Variants in TNKS2 observed in about 807,000 individuals in gnomAD.
The protein encoded by TNKS2 is poly [ADP-ribose] polymerase tankyrase-2.
Under a neutral mutation model 137.6 loss-of-function variants are expected in TNKS2, and 72 were observed. The observed-to-expected ratio is 0.52, with a 90% CI of 0.43 to 0.64. The LOEUF (loss-of-function observed/expected upper bound fraction) is 0.64. Ranked by LOEUF, TNKS2 falls within the 30% of genes least tolerant of loss-of-function variation. The pLI is 0.00. For missense variants in TNKS2, 1,049 were observed against 1,410.2 expected, an observed-to-expected ratio of 0.74 and a Z score of 4.10; for synonymous variants, 516 against 512.1, an observed-to-expected ratio of 1.01 and a Z score of -0.10.
chr10:91,846,634 A>G (rs1842383095), intron 18 of TNKS2, among the ~76,000 whole-genome samples: 1 of 151,664 alleles, frequency 6.6e-6, no homozygotes, highest in African/African-American at 2.4e-5. Flanking sequence ...ATGAGAAGGA[A>G]GGGGAATCTT....
At chr10:91,835,592 C>CTTTTTTTTTTTTTTTTTTTATTTTTTTTT (rs1841984131) in intron 12 of TNKS2, among the ~76,000 whole-genome samples, 1 of 109,428 alleles carries the variant, frequency 9.1e-6, no homozygotes, top group Non-Finnish European at 1.8e-5. Context: ...CCCGGCCTTT[C>CTTTTTTTTTTTTTTTTTTTATTTTTTTTT]TTTTTTTTTT....
chr10:91,864,641 T>C lies in TNKS2; in HGVS notation c.*1642T>C, dbSNP rs1203575510. 6.6e-6 allele frequency: 1 copy of C among 152,658 alleles called. No homozygotes were observed. Among genetic ancestry groups the C allele is most frequent in the East Asian group, 1.9e-4 (1 of 5,196 alleles). The allele number at this position is 152,658 out of a possible 1,614,324, so 9.5% of individuals were successfully genotyped here. On this transcript the variant is annotated 3_prime_UTR_variant, in exon 27 of 27. Coordinates refer to ENST00000371627, the MANE Select transcript of TNKS2 (RefSeq NM_025235.4). ...TCTGGAGTTGTTTCTGTGATGTAAA[T>C]TATGATCATTATTTAAGAAGTCAAA...
chr10:91,839,745 C>T (rs1341420498), intron 13 of TNKS2, among the ~76,000 whole-genome samples: 1 of 152,190 alleles, frequency 6.6e-6, no homozygotes, highest in Non-Finnish European at 1.5e-5. Flanking sequence ...ACCCAATGCA[C>T]ATTAAAGTTT....
intron 20 of TNKS2, among the ~76,000 whole-genome samples, chr10:91,850,120 C>G (rs1842496845): frequency 2.6e-5 from 4 of 152,116 alleles, no homozygotes; most frequent in Admixed American, 2.6e-4. Flanking sequence ...AATCCCAGCA[C>G]TTTGGGAGGC....
chr10:91,841,218 A>T, intron 14 of TNKS2, 65 bp from the exon 15 acceptor site: 1 of 1,295,322 alleles, frequency 7.7e-7, no homozygotes, highest in Non-Finnish European at 1.0e-6. Flanking sequence ...TTCATCAGTT[A>T]TATGTAATTA....
intron 6 of TNKS2, among the ~76,000 whole-genome samples, chr10:91,821,597 A>C (rs1207219331): frequency 2.6e-5 from 4 of 152,192 alleles, no homozygotes; most frequent in Admixed American, 6.5e-5. Context: ...GATAGAAGTC[A>C]AGATTTTAAA....
At chr10:91,826,335 C>T (rs1246294427) in intron 7 of TNKS2, among the ~76,000 whole-genome samples, 3 of 152,068 alleles carry the variant, frequency 2.0e-5, no homozygotes, top group Non-Finnish European at 4.4e-5. Flanking sequence ...ATGAGAGATA[C>T]TCAACCAGCC....
intron 14 of TNKS2, 77 bp from the exon 15 acceptor site, chr10:91,841,206 C>G (rs1842202057): frequency 8.1e-7 from 1 of 1,234,284 alleles, no homozygotes; most frequent in Non-Finnish European, 1.1e-6. Flanking sequence ...CAAGAATTAT[C>G]TTTCATCAGT....
chr10:91,864,841 T>C lies in TNKS2; in HGVS notation c.*1842T>C. ...AGAATTAATGGGGTTTATATTTACA[T>C]TATCTCTCAACTATGTAGCCCATAT... On this transcript the variant is annotated 3_prime_UTR_variant, in exon 27 of 27. Coordinates refer to ENST00000371627, the MANE Select transcript of TNKS2 (RefSeq NM_025235.4). The C allele has an allele frequency of 6.6e-6, 1 of 152,644 alleles. No individual in the cohort carries two copies. Among genetic ancestry groups the C allele is most frequent in the East Asian group, 1.9e-4 (1 of 5,194 alleles). 9.5% of individuals were successfully genotyped at this position (152,644 alleles called of 1,614,324 possible).
Position 91,855,446 on chromosome 10 carries a change from C to T in TNKS2, c.2914-168C>T, listed in dbSNP as rs193252867. Among the ~76,000 whole-genome samples, 982 of 152,232 alleles carry T rather than the reference C, an allele frequency of 6.5e-3. 15 individuals are homozygous for T. Among genetic ancestry groups the T allele is most frequent in the African/African-American group, 0.022 (934 of 41,534 alleles). The stretch of plus-strand genomic sequence containing the variant: ...CAGGCAGTCCACCTGCCTCGGCCTC[C>T]CAAAGTGGGGCACCATGCCCAGCCC... On this transcript the variant is annotated intron_variant, in intron 22 of 26. Transcript: ENST00000371627.
chr10:91,815,972 G>A (rs959523624), intron 2 of TNKS2, among the ~76,000 whole-genome samples: 15 of 124,312 alleles, frequency 1.2e-4, no homozygotes, highest in South Asian at 5.4e-4. Flanking sequence ...TTTTTGAGAC[G>A]GAGTCTTGCA....
At position 91,844,953 on chromosome 10, in the gene TNKS2, G is replaced by A. The variant is rs753546336; in HGVS notation, c.2094G>A (p.Leu698=). ...GYNNLEVAEY[L]LQHGADVNAQ... is the part of the protein sequence containing the mutation. Reference sequence around the variant, plus strand: ...ATAATTTAGAAGTTGCAGAGTATTTGTTACAACACGGAGCTGATGTGAATG... The same window carrying A: ...ATAATTTAGAAGTTGCAGAGTATTTATTACAACACGGAGCTGATGTGAATG... The change falls in exon 17 of 27, where the codon TTG becomes TTA. Residue 698 remains leucine, a synonymous_variant. Transcript: ENST00000371627. 6.2e-7 allele frequency: 1 copy of A among 1,613,012 alleles called. No individual in the cohort carries two copies. Among genetic ancestry groups the A allele is most frequent in the Non-Finnish European group, 8.5e-7 (1 of 1,179,440 alleles).
intron 13 of TNKS2, among the ~76,000 whole-genome samples, chr10:91,838,064 T>A (rs1360441242): frequency 3.0e-5 from 4 of 131,556 alleles, no homozygotes; most frequent in African/African-American, 1.1e-4. Context: ...TTTTTTTTTT[T>A]GCTGTTTGTG....
chr10:91,844,780 C>T, intron 16 of TNKS2, 139 bp from the exon 17 acceptor site: 1 of 482,492 alleles, frequency 2.1e-6, no homozygotes, highest in East Asian at 3.4e-5. Context: ...TTTATGTTTT[C>T]AGTAATGTCT....
rs1399572111 is a variant in TNKS2 at position 91,836,920 on chromosome 10, G to T, written c.1449G>T (p.Glu483Asp). ...CTTCTCTCTCTCTCTCTTTTTTAGA[G>T]GGTATCTCATTAGGTAATTCAGAGG... is the stretch of plus-strand genomic sequence containing the variant. ...GNENVQQLLQ[E>D]GISLGNSEAD... The change falls in exon 13 of 27, where the codon GAG (glutamate) becomes GAT (aspartate). Residue 483 changes from glutamate (E) to aspartate (D), a missense_variant and splice_region_variant. By Grantham distance (45) the Glu-to-Asp change is conservative. Around this residue, in one of 6 missense-constraint regions of TNKS2, gnomAD observed 328 missense variants for 436.0 expected, o/e 0.75. Coordinates refer to ENST00000371627, the MANE Select transcript of TNKS2 (RefSeq NM_025235.4). 1.9e-6 allele frequency: 3 copies of T among 1,611,792 alleles called. No individual in the cohort carries two copies. The highest frequency in any genetic ancestry group is 1.7e-6 in the Non-Finnish European group (2 of 1,179,102).
chr10:91,832,149 T>A (rs1205844613), intron 11 of TNKS2, among the ~76,000 whole-genome samples: 1 of 152,208 alleles, frequency 6.6e-6, no homozygotes, highest in Non-Finnish European at 1.5e-5. Context: ...ATAATCTTGA[T>A]CTTTCCTATT....
intron 2 of TNKS2, among the ~76,000 whole-genome samples, chr10:91,815,940 G>T (rs1844677865): frequency 7.4e-6 from 1 of 135,182 alleles, no homozygotes. Flanking sequence ...CAAAACACAA[G>T]ACTTTCTCTT....
chr10:91,856,709 A>G (rs948582477), intron 23 of TNKS2, among the ~76,000 whole-genome samples: 2 of 152,170 alleles, frequency 1.3e-5, no homozygotes, highest in African/African-American at 4.8e-5. Flanking sequence ...TTCCTTTTTA[A>G]TGCATAAATG....
intron 2 of TNKS2, among the ~76,000 whole-genome samples, chr10:91,813,812 A>C (rs1056532855): frequency 2.0e-5 from 3 of 152,138 alleles, no homozygotes; most frequent in Admixed American, 6.5e-5. Context: ...GGAGCTGAAA[A>C]ATTCCTGTCA....
Sources: gnomAD v4.1 joint callset for allele counts (sites outside exome capture counted in the v4.1 genomes callset) on GRCh38, gnomAD v4.1.1 for gene constraint, gnomAD v4.1.1 regional missense constraint, MANE v1.5 for transcripts, NCBI Gene and HGNC (gene_info 2026-07-23, HGNC 2026-07-21) for gene names.